The following ZNF385D variants were observed in gnomAD, a reference collection of about 807,000 sequenced individuals.
The protein encoded by ZNF385D is zinc finger protein 385D, also known as zinc finger protein 659.
A neutral mutation model predicts 35.8 loss-of-function variants in ZNF385D; 15 were observed. The ratio of observed to expected loss-of-function variants is 0.42; its 90% CI spans 0.28 to 0.64. The LOEUF (loss-of-function observed/expected upper bound fraction) is 0.64, where lower values mean the gene tolerates loss of function less well. Among genes scored for constraint, ZNF385D ranks in the 30% least tolerant of loss-of-function variants. ZNF385D has a pLI of 0.23. For missense variants in ZNF385D, 474 were observed against 494.6 expected (o/e 0.96, Z 0.39); for synonymous variants, 212 against 186.8 (o/e 1.13, Z -1.10).
chr3:21,625,879 C>G (rs1355407578), intron 2 of ZNF385D, among the ~76,000 whole-genome samples: 1 of 152,074 alleles, frequency 6.6e-6, no homozygotes, highest in Non-Finnish European at 1.5e-5. Flanking sequence ...CCAAAGTAGT[C>G]AAAGCGATTT....
chr3:21,861,613 G>A (rs78677691), intron 3 of ZNF385D, among the ~76,000 whole-genome samples: 54 of 152,284 alleles, frequency 3.5e-4, no homozygotes, highest in African/African-American at 9.4e-4. Flanking sequence ...GAGAAAGCCA[G>A]ATGGCATATA....
At chr3:21,904,908 T>C (rs1699593736) in intron 3 of ZNF385D, among the ~76,000 whole-genome samples, 1 of 152,100 alleles carries the variant, frequency 6.6e-6, no homozygotes, top group African/African-American at 2.4e-5. Context: ...CAGAATGATA[T>C]TGATAGATGG....
At chr3:21,845,229 A>G (rs1214962007) in intron 3 of ZNF385D, among the ~76,000 whole-genome samples, 1 of 151,898 alleles carries the variant, frequency 6.6e-6, no homozygotes, top group Non-Finnish European at 1.5e-5. Context: ...GAGCTTCCTG[A>G]GATTAAACAT....
At position 21,711,068 on chromosome 3, in the gene ZNF385D, G is replaced by A. The variant is rs1294018951; in HGVS notation, c.22+39827C>T. Among the ~76,000 whole-genome samples, 134 of 23,712 alleles carry A rather than the reference G, an allele frequency of 5.7e-3. 1 individual carries two copies. Among genetic ancestry groups the A allele is most frequent in the African/African-American group, 0.02 (123 of 6,008 alleles). 15.6% of individuals were successfully genotyped at this position (23,712 alleles called of 152,430 possible). On this transcript the variant is annotated intron_variant, in intron 1 of 7. Coordinates refer to ENST00000281523, the MANE Select transcript of ZNF385D (RefSeq NM_024697.3). ...TTTTTTTTTTTTTTTTTGAGATGGA[G>A]TCTTGCTCTGTCGCCTAGGATGGAG...
intron 3 of ZNF385D, among the ~76,000 whole-genome samples, chr3:22,086,456 C>A (rs1437411221): frequency 6.6e-6 from 1 of 152,068 alleles, no homozygotes; most frequent in Non-Finnish European, 1.5e-5. Context: ...ACAATTGCTT[C>A]AAAGAGAATA....
chr3:22,290,726 T>C (rs929869667), intron 2 of ZNF385D, among the ~76,000 whole-genome samples: 2 of 152,114 alleles, frequency 1.3e-5, no homozygotes, highest in Admixed American at 6.6e-5. Context: ...ATCCAACGTG[T>C]AGGATTTTCT....
At chr3:22,267,771 A>T (rs1357569438) in intron 2 of ZNF385D, among the ~76,000 whole-genome samples, 1 of 151,964 alleles carries the variant, frequency 6.6e-6, no homozygotes, top group Non-Finnish European at 1.5e-5. Flanking sequence ...TCATCTATTA[A>T]ATTATTAAAA....
chr3:22,030,278 T>TACAAATAACAAATAGG (rs1189254376), intron 3 of ZNF385D, among the ~76,000 whole-genome samples: 1 of 110,472 alleles, frequency 9.1e-6, no homozygotes, highest in African/African-American at 3.7e-5. Flanking sequence ...TATATATATA[T>TACAAATAACAAATAGG]ATATATATAT....
intron 5 of ZNF385D, among the ~76,000 whole-genome samples, chr3:21,433,453 A>G (rs1701398427): frequency 6.6e-6 from 1 of 152,200 alleles, no homozygotes; most frequent in Non-Finnish European, 1.5e-5. Context: ...GCTTCAGATC[A>G]GAATTGGCCT....
intron 1 of ZNF385D, among the ~76,000 whole-genome samples, chr3:21,723,054 G>T (rs1412565952): frequency 6.6e-6 from 1 of 152,102 alleles, no homozygotes; most frequent in Non-Finnish European, 1.5e-5. Context: ...TTAGGCCCCA[G>T]GCAGTTTCCC....
intron 2 of ZNF385D, among the ~76,000 whole-genome samples, chr3:22,175,548 T>C (rs1400995408): frequency 1.3e-5 from 2 of 152,072 alleles, no homozygotes; most frequent in African/African-American, 4.8e-5. Flanking sequence ...TTAAATTGCT[T>C]CAGAAAATTA....
At chr3:21,814,026 G>A (rs2073045577) in intron 3 of ZNF385D, among the ~76,000 whole-genome samples, 1 of 152,178 alleles carries the variant, frequency 6.6e-6, no homozygotes, top group Non-Finnish European at 1.5e-5. Context: ...ATACAAGCCA[G>A]AAGAGAGTGG....
intron 2 of ZNF385D, among the ~76,000 whole-genome samples, chr3:22,222,344 A>T (rs984892014): frequency 6.6e-6 from 1 of 152,168 alleles, no homozygotes; most frequent in Non-Finnish European, 1.5e-5. Flanking sequence ...AAGAAAAAAA[A>T]ATCTAAGATA....
chr3:21,523,558 C>T (rs751937687), intron 3 of ZNF385D, among the ~76,000 whole-genome samples: 3 of 152,054 alleles, frequency 2.0e-5, no homozygotes, highest in Non-Finnish European at 2.9e-5. Context: ...TTTTCAGTAC[C>T]TATTCCAATA....
chr3:21,551,313 C>T (rs2062561214), intron 3 of ZNF385D, among the ~76,000 whole-genome samples: 1 of 152,318 alleles, frequency 6.6e-6, no homozygotes, highest in Non-Finnish European at 1.5e-5. Flanking sequence ...GAGACATGAA[C>T]ATTGTCCTTA....
intron 3 of ZNF385D, among the ~76,000 whole-genome samples, chr3:21,917,900 A>C (rs1033757260): frequency 6.6e-6 from 1 of 152,218 alleles, no homozygotes; most frequent in African/African-American, 2.4e-5. Flanking sequence ...TATATACTGC[A>C]TGCAAACTAG....
intron 3 of ZNF385D, among the ~76,000 whole-genome samples, chr3:21,810,956 ATATG>A (rs1002650686): frequency 1.4e-5 from 2 of 143,134 alleles, no homozygotes; most frequent in African/African-American, 5.2e-5. Context: ...ACACACACAC[ATATG>A]TGTGTGTATA....
intron 2 of ZNF385D, among the ~76,000 whole-genome samples, chr3:22,325,929 A>G (rs1377005463): frequency 1.3e-5 from 2 of 152,092 alleles, no homozygotes; most frequent in Non-Finnish European, 2.9e-5. Flanking sequence ...AAATTTTCTA[A>G]TGATCATCAT....
At chr3:22,320,252 A>G (rs1200628251) in intron 2 of ZNF385D, among the ~76,000 whole-genome samples, 1 of 152,142 alleles carries the variant, frequency 6.6e-6, no homozygotes, top group African/African-American at 2.4e-5. Context: ...GTTGCTCTGC[A>G]GCTGATTAAC....
Sources: allele counts gnomAD v4.1 joint callset (sites outside exome capture counted in the v4.1 genomes callset), GRCh38; gene constraint gnomAD v4.1.1; transcripts MANE v1.5; gene names NCBI Gene and HGNC (gene_info 2026-07-23, HGNC 2026-07-21).